Variants in PCDHGA5 observed in about 807,000 individuals in gnomAD.
The protein encoded by PCDHGA5 is protocadherin gamma subfamily A, 5.
In PCDHGA5, 36 loss-of-function variants were observed where a neutral mutation model predicts 56.7. That is an observed-to-expected ratio of 0.64 (90% CI 0.49 to 0.84). The LOEUF is 0.84. Among genes scored for constraint, PCDHGA5 ranks in the 40% least tolerant of loss-of-function variants. PCDHGA5 has a pLI of 0.00. For synonymous variants in PCDHGA5, 563 were observed against 520.2 expected (o/e 1.08, Z -1.12); for missense variants, 1,305 against 1,201.5 (o/e 1.09, Z -1.27).
intron 1 of PCDHGA5, chr5:141,423,100 G>C (rs2096709499): frequency 6.2e-7 from 1 of 1,613,944 alleles, no homozygotes; most frequent in Non-Finnish European, 8.5e-7. Context: ...GGAGCACACG[G>C]GCGAGGTGCG....
chr5:141,436,713 G>T (rs2097842329), intron 1 of PCDHGA5, among the ~76,000 whole-genome samples: 1 of 152,190 alleles, frequency 6.6e-6, no homozygotes, highest in Non-Finnish European at 1.5e-5. Context: ...TCGATGTTCT[G>T]TTGGGAAAAA....
intron 1 of PCDHGA5, chr5:141,404,268 C>A (rs1334326806): frequency 1.2e-6 from 2 of 1,613,860 alleles, no homozygotes; most frequent in African/African-American, 2.7e-5. Context: ...ATTCACATCA[C>A]CCTGCAAGTG....
chr5:141,410,489 G>A, intron 1 of PCDHGA5: 3 of 1,613,972 alleles, frequency 1.9e-6, no homozygotes, highest in Non-Finnish European at 1.7e-6. Context: ...GGGTACAAAA[G>A]AGTTTAATTT....
chr5:141,433,208 C>CTTT, intron 1 of PCDHGA5: 2 of 1,293,022 alleles, frequency 1.5e-6, no homozygotes, highest in Non-Finnish European at 2.1e-6. Context: ...AATCTTCTTT[C>CTTT]TTTTTTTTTT....
Position 141,432,909 on chromosome 5 carries a change from G to A in PCDHGA5, c.2422-61898G>A, listed in dbSNP as rs773372764. On this transcript the variant is annotated intron_variant, in intron 1 of 3. Coordinates refer to ENST00000518069, the MANE Select transcript of PCDHGA5 (RefSeq NM_018918.3). The surrounding 1 kb of genome is among the most constrained non-coding windows in gnomAD (Gnocchi z 6.0). ...ATCTTGCTGCTGGCGCTCAGGCTGCGGCGCTGGCACAAGTCACGCCTGCTG... is the reference window on the plus strand; with the variant it reads ...ATCTTGCTGCTGGCGCTCAGGCTGCAGCGCTGGCACAAGTCACGCCTGCTG... 9 of 1,614,038 alleles carry A rather than the reference G, an allele frequency of 5.6e-6. No homozygotes were observed. The highest frequency in any genetic ancestry group is 4.5e-5 in the East Asian group (2 of 44,880).
intron 1 of PCDHGA5, chr5:141,419,490 C>G (rs2096390495): frequency 8.1e-6 from 13 of 1,612,414 alleles, no homozygotes; most frequent in Non-Finnish European, 1.1e-5. Context: ...GCGCTCAGCG[C>G]CAATGTGAGC....
intron 1 of PCDHGA5, chr5:141,441,447 C>T: frequency 6.2e-6 from 1 of 161,550 alleles, no homozygotes. Flanking sequence ...CCAGCCCAAG[C>T]ATCACCCTAC....
At chr5:141,449,567 C>T (rs1412647192) in intron 1 of PCDHGA5, among the ~76,000 whole-genome samples, 2 of 133,846 alleles carry the variant, frequency 1.5e-5, no homozygotes, top group Non-Finnish European at 3.1e-5. Context: ...CCAGCCTGGG[C>T]GACAGAGCAA....
chr5:141,507,578 C>T (rs1268451710), intron 3 of PCDHGA5, among the ~76,000 whole-genome samples: 1 of 152,220 alleles, frequency 6.6e-6, no homozygotes, highest in East Asian at 1.9e-4. Context: ...GAGGAGATGC[C>T]AAGTTGGCCT....
At chr5:141,394,471 T>C (rs2093007845) in intron 1 of PCDHGA5, 3 of 1,614,250 alleles carry the variant, frequency 1.9e-6, no homozygotes, top group Non-Finnish European at 2.5e-6. Flanking sequence ...CTGTTCGTGC[T>C]GGACCAGAAT....
chr5:141,429,534 A>G (rs1036595279), intron 1 of PCDHGA5, among the ~76,000 whole-genome samples: 1 of 152,222 alleles, frequency 6.6e-6, no homozygotes. Context: ...GCTTAAAAAA[A>G]TAAGAACATG....
At chr5:141,410,818 T>G in intron 1 of PCDHGA5, 2 of 556,016 alleles carry the variant, frequency 3.6e-6, no homozygotes, top group Non-Finnish European at 5.8e-6. Context: ...TGTAAAATAA[T>G]GTCACCAGAC....
At position 141,431,914 on chromosome 5, in the gene PCDHGA5, C is replaced by A. The variant is rs745837291; in HGVS notation, c.2422-62893C>A. 6.2e-7 allele frequency: 1 copy of A among 1,613,912 alleles called. No individual in the cohort carries two copies. Among genetic ancestry groups the A allele is most frequent in the African/African-American group, 1.3e-5 (1 of 75,070 alleles). On this transcript the variant is annotated intron_variant, in intron 1 of 3. Transcript: ENST00000518069. The surrounding 1 kb of genome is among the most constrained non-coding windows in gnomAD (Gnocchi z 4.8). ...AGGAAAACGGACAGGTGATCTGTTT[C>A]ATCCAAGGAAATCTGCCCTTTAAAT...
chr5:141,368,882 C>T (rs992495169), intron 1 of PCDHGA5, among the ~76,000 whole-genome samples: 1 of 152,134 alleles, frequency 6.6e-6, no homozygotes, highest in Non-Finnish European at 1.5e-5. Flanking sequence ...AGTCTTGAGT[C>T]AGTTATATTT....
chr5:141,407,807 T>G (rs916388568), intron 1 of PCDHGA5, among the ~76,000 whole-genome samples: 1 of 152,202 alleles, frequency 6.6e-6, no homozygotes, highest in African/African-American at 2.4e-5. Context: ...CATAGAAATA[T>G]CTACTATAAT....
At chr5:141,413,980 A>C in intron 1 of PCDHGA5, 12 of 1,613,530 alleles carry the variant, frequency 7.4e-6, no homozygotes, top group Non-Finnish European at 1.0e-5. Flanking sequence ...GCTGACAGTC[A>C]CAGCCACCGA....
chr5:141,389,957 G>A (rs2091985321), intron 1 of PCDHGA5: 2 of 1,614,080 alleles, frequency 1.2e-6, no homozygotes, highest in Non-Finnish European at 1.7e-6. Flanking sequence ...TTTACCTAGT[G>A]GTGGCCTTGG....
chr5:141,400,491 T>A, intron 1 of PCDHGA5: 1 of 1,614,080 alleles, frequency 6.2e-7, no homozygotes, highest in Non-Finnish European at 8.5e-7. Flanking sequence ...TTCCACTTTG[T>A]AATTCCAGCG....
intron 1 of PCDHGA5, among the ~76,000 whole-genome samples, chr5:141,459,059 A>G (rs1219921155): frequency 2.6e-5 from 4 of 152,228 alleles, no homozygotes; most frequent in African/African-American, 4.8e-5. Context: ...AGTATAATTT[A>G]TATAACATAA....
Sources: allele counts gnomAD v4.1 joint callset (sites outside exome capture counted in the v4.1 genomes callset), GRCh38; gene constraint gnomAD v4.1.1; non-coding constraint Gnocchi (gnomAD v3.1); transcripts MANE v1.5; gene names NCBI Gene and HGNC (gene_info 2026-07-23, HGNC 2026-07-21).